The following TECPR2 variants were observed in gnomAD, a reference collection of about 807,000 sequenced individuals.
TECPR2 encodes the protein tectonin beta-propeller repeat containing 2, also known as tectonin beta-propeller repeat-containing protein 2.
A neutral mutation model predicts 138.1 loss-of-function variants in TECPR2; 65 were observed. The observed-to-expected ratio is 0.47, with a 90% CI of 0.39 to 0.58. The LOEUF (loss-of-function observed/expected upper bound fraction) is 0.58. Ranked by LOEUF, TECPR2 falls within the 20% of genes least tolerant of loss-of-function variation. The pLI is 0.00. For missense variants in TECPR2, 1,553 were observed against 1,824.5 expected (o/e 0.85, Z 2.71); for synonymous variants, 746 against 749.8 (o/e 0.99, Z 0.08).
chr14:102,410,099 G>A (rs1408696161), intron 4 of TECPR2, among the ~76,000 whole-genome samples: 1 of 152,184 alleles, frequency 6.6e-6, no homozygotes, highest in African/African-American at 2.4e-5. Context: ...GTGAGCCACT[G>A]CGCCTGGCTG....
chr14:102,426,829 A>G (rs1889334404), intron 6 of TECPR2, among the ~76,000 whole-genome samples: 1 of 152,218 alleles, frequency 6.6e-6, no homozygotes, highest in Non-Finnish European at 1.5e-5. Flanking sequence ...ACTGCACTCC[A>G]GCCTGGGTGA....
At chr14:102,423,817 C>T (rs1889245861) in intron 5 of TECPR2, among the ~76,000 whole-genome samples, 1 of 152,120 alleles carries the variant, frequency 6.6e-6, no homozygotes, top group Admixed American at 6.6e-5. Flanking sequence ...ACATTGGTGC[C>T]TCTGATGGGT....
At chr14:102,479,018 A>G (rs1239291890) in intron 17 of TECPR2, among the ~76,000 whole-genome samples, 1 of 19,176 alleles carries the variant, frequency 5.2e-5, no homozygotes, top group Non-Finnish European at 8.6e-5. Context: ...CCCTGTCTCA[A>G]AAAAAAAAAA....
chr14:102,465,638 C>T, intron 17 of TECPR2: 1 of 994,288 alleles, frequency 1.0e-6, no homozygotes, highest in African/African-American at 1.7e-5. Flanking sequence ...AAATCAGTAC[C>T]CAGAAGTATA....
At chr14:102,426,068 G>A (rs1425830285) in intron 6 of TECPR2, among the ~76,000 whole-genome samples, 2 of 151,694 alleles carry the variant, frequency 1.3e-5, no homozygotes, top group African/African-American at 4.8e-5. Context: ...TGTATTTTTA[G>A]TAGAGACAGG....
Position 102,482,838 on chromosome 14 carries a change from C to CTTTTTT in TECPR2, c.3790-14123_3790-14118dup, listed in dbSNP as rs758301929. Among the ~76,000 whole-genome samples the CTTTTTT allele has an allele frequency of 3.8e-3, 367 of 96,534 alleles. 2 individuals carry two copies. The highest frequency in any genetic ancestry group is 8.2e-3 in the Middle Eastern group (1 of 122). 63.3% of individuals were successfully genotyped at this position (96,534 alleles called of 152,430 possible). ...TGCTACTGAGAAGCCAGAAGCCTTT[C>CTTTTTT]TTTTTTTTTTTTTTTTTTTTTTTGA... On this transcript the variant is annotated intron_variant, in intron 17 of 19. Transcript: ENST00000359520.
At chr14:102,493,264 C>T (rs1381065212) in intron 17 of TECPR2, among the ~76,000 whole-genome samples, 4 of 152,226 alleles carry the variant, frequency 2.6e-5, no homozygotes, top group East Asian at 1.9e-4. Context: ...TCCACCACGT[C>T]GGGGCCCTGG....
At chr14:102,402,377 T>G (rs996976612) in intron 2 of TECPR2, among the ~76,000 whole-genome samples, 3 of 152,052 alleles carry the variant, frequency 2.0e-5, no homozygotes, top group African/African-American at 7.3e-5. Context: ...ATACCAAAAT[T>G]TATGGGACAG....
chr14:102,453,705 A>G (rs1890208871), intron 16 of TECPR2, among the ~76,000 whole-genome samples: 1 of 151,684 alleles, frequency 6.6e-6, no homozygotes. Flanking sequence ...TGACTTAGGA[A>G]CTTCCTGGCT....
intron 17 of TECPR2, chr14:102,465,651 G>T (rs1890537687): frequency 1.0e-6 from 1 of 989,022 alleles, no homozygotes; most frequent in Admixed American, 6.0e-5. Context: ...GAAGTATAAA[G>T]AAGGTAAAAG....
rs1192137732 is a variant in TECPR2, at chr14:102,499,463, G to A, written c.*1206G>A. ...TCCTGAGCCTGCACTGTCCTCGCCT[G>A]CAGCCTCAGAGGGGCAGGCATCCCC... is the stretch of plus-strand genomic sequence containing the variant. On this transcript the variant is annotated 3_prime_UTR_variant, in exon 20 of 20. Coordinates refer to ENST00000359520, the MANE Select transcript of TECPR2 (RefSeq NM_014844.5). 1.1e-5 allele frequency: 6 copies of A among 531,848 alleles called. 1 individual carries two copies. The highest frequency in any genetic ancestry group is 5.0e-4 in the Middle Eastern group (1 of 1,994). 32.9% of individuals were successfully genotyped at this position (531,848 alleles called of 1,614,324 possible).
chr14:102,452,414 C>A lies in TECPR2; in HGVS notation c.3427C>A (p.Gln1143Lys). Residue 1143 changes from glutamine (Q) to lysine (K), a missense_variant, in exon 16 of 20, where the codon CAG becomes AAG. Physicochemically the swap from Gln to Lys is moderately conservative, Grantham distance 53. Coordinates refer to ENST00000359520, the MANE Select transcript of TECPR2 (RefSeq NM_014844.5). Reference protein sequence around the residue: ...TKEGSFLWLCQSSKDLCSVSA... With the variant: ...TKEGSFLWLCKSSKDLCSVSA... ...TGCAGGAAGCTTCCTGTGGCTGTGCCAGAGCAGCAAGGACCTGTGCAGCGT... is the reference window on the plus strand; with the variant it reads ...TGCAGGAAGCTTCCTGTGGCTGTGCAAGAGCAGCAAGGACCTGTGCAGCGT... The A allele has an allele frequency of 6.2e-7, 1 of 1,609,334 alleles. No homozygotes were observed. Among genetic ancestry groups the A allele is most frequent in the Non-Finnish European group, 8.5e-7 (1 of 1,176,106 alleles).
chr14:102,394,299 A>G (rs1888257824), intron 2 of TECPR2, among the ~76,000 whole-genome samples: 1 of 152,152 alleles, frequency 6.6e-6, no homozygotes, highest in African/African-American at 2.4e-5. Flanking sequence ...GATTTTCACT[A>G]GCTTTGTAAC....
chr14:102,388,309 G>A (rs188504774), intron 2 of TECPR2, among the ~76,000 whole-genome samples: 1 of 151,734 alleles, frequency 6.6e-6, no homozygotes, highest in East Asian at 1.9e-4. Context: ...GACTCTTAGG[G>A]AAAAAAAATA....
At chr14:102,479,016 C>CAAAAAAAAAAAAA (rs34162369) in intron 17 of TECPR2, among the ~76,000 whole-genome samples, 2 of 102,090 alleles carry the variant, frequency 2.0e-5, no homozygotes, top group African/African-American at 3.7e-5. Context: ...GGCCCTGTCT[C>CAAAAAAAAAAAAA]AAAAAAAAAA....
At chr14:102,401,029 C>T (rs565795866) in intron 2 of TECPR2, among the ~76,000 whole-genome samples, 25 of 146,662 alleles carry the variant, frequency 1.7e-4, no homozygotes, top group African/African-American at 5.8e-4. Flanking sequence ...TGAGACTCGT[C>T]GCAAAAAAAA....
At position 102,407,433 on chromosome 14, in the gene TECPR2, A is replaced by C. The variant is rs1164905694; in HGVS notation, c.315A>C (p.Gln105His). ...GTASGRVAVFQLVSSLPGRNK... is the reference protein window; with the variant it reads ...GTASGRVAVFHLVSSLPGRNK... ...CCTCTGGCAGGGTTGCAGTTTTTCA[A>C]CTTGTATCTTCATTGCCAGGGAGAA... The change falls in exon 3 of 20, where the codon CAA becomes CAC. Residue 105 changes from glutamine (Q) to histidine (H), a missense_variant. Physicochemically the swap from Gln to His is conservative, Grantham distance 24 (BLOSUM62 0). Transcript: ENST00000359520. The C allele has an allele frequency of 6.2e-7, 1 of 1,613,502 alleles. No homozygotes were observed. The highest frequency in any genetic ancestry group is 8.5e-7 in the Non-Finnish European group (1 of 1,179,728).
chr14:102,424,142 C>A (rs1889253687), intron 5 of TECPR2, among the ~76,000 whole-genome samples: 1 of 152,220 alleles, frequency 6.6e-6, no homozygotes, highest in South Asian at 2.1e-4. Context: ...TCCACCTGGG[C>A]TAAATGGTAC....
intron 4 of TECPR2, among the ~76,000 whole-genome samples, chr14:102,409,980 A>AT (rs1888780032): frequency 6.6e-6 from 1 of 151,692 alleles, no homozygotes; most frequent in African/African-American, 2.4e-5. Context: ...ACTTTTTTGT[A>AT]TTTTTTGTAG....
Sources: allele counts gnomAD v4.1 joint callset (sites outside exome capture counted in the v4.1 genomes callset), GRCh38; gene constraint gnomAD v4.1.1; transcripts MANE v1.5; gene names NCBI Gene and HGNC (gene_info 2026-07-23, HGNC 2026-07-21).